Variants in AGAP1 observed in about 807,000 individuals in gnomAD.
The protein encoded by AGAP1 is arf-GAP with GTPase, ANK repeat and PH domain-containing protein 1.
A neutral mutation model predicts 105.3 loss-of-function variants in AGAP1; 29 were observed. That is an observed-to-expected ratio of 0.28 (90% CI 0.21 to 0.38). The LOEUF is 0.38. Ranked by LOEUF, AGAP1 falls within the 10% of genes least tolerant of loss-of-function variation. The probability of loss-of-function intolerance (pLI) is 1.00; values close to 1 mark genes in which losing one functional copy is unlikely to be tolerated. For missense variants in AGAP1, 998 were observed against 1,165.1 expected, an observed-to-expected ratio of 0.86 and a Z score of 2.09; for synonymous variants, 509 against 485.9, an observed-to-expected ratio of 1.05 and a Z score of -0.63.
intron 1 of AGAP1, among the ~76,000 whole-genome samples, chr2:235,533,461 T>G (rs1052537081): frequency 1.3e-5 from 2 of 152,192 alleles, no homozygotes; most frequent in African/African-American, 2.4e-5. Flanking sequence ...TAATTACTGT[T>G]GTATAGGAAG....
At chr2:236,013,372 G>A (rs2317304) in intron 13 of AGAP1, among the ~76,000 whole-genome samples, 34,754 of 152,028 alleles carry the variant, frequency 0.23, 4,551 homozygotes, top group African/African-American at 0.35. Flanking sequence ...TGCACACGCC[G>A]AACCTACAAC....
At position 235,948,474 on chromosome 2, in the gene AGAP1, A is replaced by T. The variant is rs907533290; in HGVS notation, c.1483+17551A>T. On this transcript the variant is annotated intron_variant, in intron 12 of 17. Transcript: ENST00000304032. ...TCTCCTGGCATTATAGACGTGAGCC[A>T]CTGCGCCTGGCCTAAAAATGTTTTA... Among the ~76,000 whole-genome samples, 4 of 152,362 alleles carry T rather than the reference A, an allele frequency of 2.6e-5. No homozygotes were observed. The South Asian group carries it at 8.3e-4, about 32-fold the overall frequency.
At chr2:235,607,205 G>T (rs1008853165) in intron 1 of AGAP1, among the ~76,000 whole-genome samples, 4 of 152,196 alleles carry the variant, frequency 2.6e-5, no homozygotes, top group Non-Finnish European at 4.4e-5. Flanking sequence ...TCCCTGCCCA[G>T]ACCCAGGGCT....
intron 11 of AGAP1, among the ~76,000 whole-genome samples, chr2:235,914,212 A>T (rs1376778533): frequency 6.6e-6 from 1 of 152,220 alleles, no homozygotes; most frequent in Non-Finnish European, 1.5e-5. Context: ...AATGCATTCC[A>T]TATTTCAAAT....
intron 1 of AGAP1, among the ~76,000 whole-genome samples, chr2:235,495,801 A>G (rs6731690): frequency 0.87 from 133,219 of 152,284 alleles, 58,755 homozygotes; most frequent in East Asian, 0.99. Flanking sequence ...ATGTGCGTGG[A>G]CAGTGTGGAG....
At chr2:235,762,110 CAAAAA>C (rs200107455) in intron 6 of AGAP1, among the ~76,000 whole-genome samples, 44 of 100,944 alleles carry the variant, frequency 4.4e-4, no homozygotes, top group East Asian at 8.2e-4. Context: ...AACTCCGTCT[CAAAAA>C]AAAAAAAAAA....
intron 6 of AGAP1, among the ~76,000 whole-genome samples, chr2:235,768,238 T>C (rs1955137943): frequency 6.6e-6 from 1 of 152,358 alleles, no homozygotes; most frequent in African/African-American, 2.4e-5. Flanking sequence ...ATTTGAGAAA[T>C]TGTAGCATCT....
chr2:235,520,659 A>G (rs1382469068), intron 1 of AGAP1, among the ~76,000 whole-genome samples: 2 of 152,004 alleles, frequency 1.3e-5, no homozygotes, highest in Admixed American at 1.3e-4. Flanking sequence ...TAATTCTCTC[A>G]TTATTTTTTT....
At chr2:235,947,034 A>G (rs572117774) in intron 12 of AGAP1, among the ~76,000 whole-genome samples, 6 of 152,070 alleles carry the variant, frequency 3.9e-5, no homozygotes, top group African/African-American at 7.2e-5. Context: ...TTATATATAG[A>G]TATTTTACTT....
chr2:235,800,934 G>A (rs1329194818), intron 8 of AGAP1, among the ~76,000 whole-genome samples: 8 of 152,184 alleles, frequency 5.3e-5, no homozygotes. Context: ...CTAGAGGGGT[G>A]GCTGGGAGTC....
intron 16 of AGAP1, among the ~76,000 whole-genome samples, chr2:236,086,715 G>C (rs2058936372): frequency 1.3e-5 from 2 of 152,000 alleles, no homozygotes; most frequent in Admixed American, 6.6e-5. Context: ...TTAAATTCTT[G>C]GTCAGGAATG....
chr2:235,902,171 T>C (rs2051096344), intron 10 of AGAP1, among the ~76,000 whole-genome samples: 1 of 152,238 alleles, frequency 6.6e-6, no homozygotes, highest in African/African-American at 2.4e-5. Context: ...TCTGTTGTGA[T>C]AGGTTGTTTT....
At chr2:235,890,941 T>TCAAAAAAAAAAAA (rs1553665179) in intron 10 of AGAP1, among the ~76,000 whole-genome samples, 19 of 56,824 alleles carry the variant, frequency 3.3e-4, no homozygotes, top group Non-Finnish European at 4.0e-5. Context: ...AAACTGAGGC[T>TCAAAAAAAAAAAA]CAAAAAAAAA....
Position 235,879,187 on chromosome 2 carries a change from C to T in AGAP1, c.1051-4158C>T, listed in dbSNP as rs1439444534. On this transcript the variant is annotated intron_variant, in intron 9 of 17. Transcript: ENST00000304032. This position sits in a 1 kb window ranked among gnomAD's most constrained non-coding sequence, Gnocchi z 5.0. ...CAGGGAGCCATGGCTTCCATAACTT[C>T]GCTGCCCCTGACTTGTTCCTTTGGG... 6.6e-6 allele frequency among the ~76,000 whole-genome samples: 1 copy of T among 152,198 alleles called. No homozygotes were observed. The highest frequency in any genetic ancestry group is 1.5e-5 in the Non-Finnish European group (1 of 68,040).
In AGAP1 at chr2:235,777,159, C is replaced by A; in HGVS notation, c.674-20600C>A. On this transcript the variant is annotated intron_variant, in intron 6 of 17. Coordinates refer to ENST00000304032, the MANE Select transcript of AGAP1 (RefSeq NM_001037131.3). The surrounding 1 kb of genome is among the most constrained non-coding windows in gnomAD (Gnocchi z 5.1). ...GGATCACGAGGTCAGGAGATCGAGACCATCCTGGCTAACACAGTGAAACCC... is the reference window on the plus strand; with the variant it reads ...GGATCACGAGGTCAGGAGATCGAGAACATCCTGGCTAACACAGTGAAACCC... 1 of 432,692 alleles carries A rather than the reference C, an allele frequency of 2.3e-6. No homozygotes were observed. The highest frequency in any genetic ancestry group is 4.7e-6 in the Non-Finnish European group (1 of 211,574). 26.8% of individuals were successfully genotyped at this position (432,692 alleles called of 1,614,324 possible).
At chr2:235,638,696 A>C (rs1947092493) in intron 1 of AGAP1, among the ~76,000 whole-genome samples, 2 of 152,262 alleles carry the variant, frequency 1.3e-5, no homozygotes, top group South Asian at 4.1e-4. Context: ...AGAGAATAAT[A>C]GCGTGGTGTC....
In AGAP1 at chr2:235,662,173, C is replaced by A. The variant is rs1947979124; in HGVS notation, c.164-47006C>A. Reference sequence around the variant, plus strand: ...CCTTTAGGGTGGAGTGGCTGTAAGGCCGTGACCAGGAAAAAAGGGACCCAG... The same window carrying A: ...CCTTTAGGGTGGAGTGGCTGTAAGGACGTGACCAGGAAAAAAGGGACCCAG... On this transcript the variant is annotated intron_variant, in intron 1 of 17. Coordinates refer to ENST00000304032, the MANE Select transcript of AGAP1 (RefSeq NM_001037131.3). The surrounding 1 kb of genome is among the most constrained non-coding windows in gnomAD (Gnocchi z 4.2). Among the ~76,000 whole-genome samples the A allele has an allele frequency of 6.6e-6, 1 of 152,142 alleles. No homozygotes were observed. The highest frequency in any genetic ancestry group is 2.4e-5 in the African/African-American group (1 of 41,434).
At chr2:235,630,100 A>G (rs575968792) in intron 1 of AGAP1, among the ~76,000 whole-genome samples, 2 of 152,332 alleles carry the variant, frequency 1.3e-5, no homozygotes, top group South Asian at 4.1e-4. Context: ...ATAGGACTGT[A>G]GAAAGATTTT....
In AGAP1 at chr2:236,119,338, A is replaced by G. The variant is rs1054598602; in HGVS notation, c.2115-854A>G. On this transcript the variant is annotated intron_variant, in intron 16 of 17. Coordinates refer to ENST00000304032, the MANE Select transcript of AGAP1 (RefSeq NM_001037131.3). The surrounding 1 kb of genome is among the most constrained non-coding windows in gnomAD (Gnocchi z 6.6). ...CCCAAAAAACTCAGCCATTCCTGAC[A>G]TTCTGTCCTTTCCACTTAAGCCTTC... Among the ~76,000 whole-genome samples, 3 of 152,108 alleles carry G rather than the reference A, an allele frequency of 2.0e-5. No homozygotes were observed. Among genetic ancestry groups the G allele is most frequent in the Admixed American group, 6.5e-5 (1 of 15,268 alleles).
Sources: gnomAD v4.1 joint callset for allele counts (sites outside exome capture counted in the v4.1 genomes callset) on GRCh38, gnomAD v4.1.1 for gene constraint, Gnocchi (gnomAD v3.1) non-coding constraint, MANE v1.5 for transcripts, NCBI Gene and HGNC (gene_info 2026-07-23, HGNC 2026-07-21) for gene names.